RET: variants seen among roughly 807,000 people sequenced by gnomAD.
RET encodes ret proto-oncogene.
In RET, 19 loss-of-function variants were observed where a neutral mutation model predicts 118.3. That is an observed-to-expected ratio of 0.16 (90% CI 0.11 to 0.24). RET has a LOEUF of 0.24. Among genes scored for constraint, RET ranks in the 10% least tolerant of loss-of-function variants. The pLI, the probability that RET is intolerant of heterozygous loss-of-function variation, is 1.00. For synonymous variants in RET, 597 were observed against 644.1 expected, an observed-to-expected ratio of 0.93 and a Z score of 1.11; for missense variants, 1,219 against 1,502.1, an observed-to-expected ratio of 0.81 and a Z score of 3.12.
rs879461597 is a variant in RET, at chr10:43,129,402, G to A, written c.*1133G>A. 1 of 233,600 alleles carries A rather than the reference G, an allele frequency of 4.3e-6. No individual in the cohort carries two copies. The highest frequency in any genetic ancestry group is 8.5e-6 in the Non-Finnish European group (1 of 118,068). The allele number at this position is 233,600 out of a possible 1,614,324, so 14.5% of individuals were successfully genotyped here. ...ATAGAGCCTGTGTGAAAGGCCCATG[G>A]ATCAGCTCTTCCTGTGTTTGTAATT... On this transcript the variant is annotated 3_prime_UTR_variant, in exon 20 of 20. Coordinates refer to ENST00000355710, the MANE Select transcript of RET (RefSeq NM_020975.6).
At chr10:43,109,319 C>A in intron 6 of RET, 89 bp downstream of exon 6, 3 of 1,293,948 alleles carry the variant, frequency 2.3e-6, no homozygotes, top group Non-Finnish European at 3.3e-6. Flanking sequence ...GCCTCTTGGC[C>A]CAACCAGCAC....
chr10:43,113,702 A>C, intron 10 of RET, 27 bp downstream of exon 10: 6 of 1,611,546 alleles, frequency 3.7e-6, no homozygotes, highest in Non-Finnish European at 5.1e-6. Context: ...CGGGACCACC[A>C]CCACCTCCCA....
chr10:43,090,776 A>G (rs1837394149), intron 1 of RET, among the ~76,000 whole-genome samples: 1 of 150,826 alleles, frequency 6.6e-6, no homozygotes, highest in Non-Finnish European at 1.5e-5. Context: ...TCAGGAGCAG[A>G]GGTTCCTCCT....
intron 6 of RET, among the ~76,000 whole-genome samples, 167 bp from the exon 7 acceptor site, chr10:43,111,040 G>A (rs1206846119): frequency 1.3e-5 from 2 of 152,122 alleles, no homozygotes; most frequent in Non-Finnish European, 2.9e-5. Context: ...GCAGGTGGGT[G>A]GGTATGAAGG....
At chr10:43,126,279 C>A (rs536423945) in intron 18 of RET, among the ~76,000 whole-genome samples, 18 of 152,338 alleles carry the variant, frequency 1.2e-4, no homozygotes, top group African/African-American at 4.1e-4. Context: ...GCCCTCCAGG[C>A]CCTGGAGATA....
chr10:43,096,893 A>AC (rs1419575102), intron 1 of RET, among the ~76,000 whole-genome samples: 3 of 152,060 alleles, frequency 2.0e-5, no homozygotes, highest in Non-Finnish European at 4.4e-5. Flanking sequence ...TCATTCTCCC[A>AC]CCTTGGACCA....
rs867475099 is a variant in RET, at chr10:43,078,632, G to T, written c.73+1301G>T. 2.6e-5 allele frequency among the ~76,000 whole-genome samples: 4 copies of T among 152,368 alleles called. No homozygotes were observed. The Middle Eastern group carries it at 0.01, about 389-fold the overall frequency. ...ACGCTGTCTTGGGATTCTGGGCTGT[G>T]GCTTTGGCTTTGAGGTTGTGGGCAG... On this transcript the variant is annotated intron_variant, in intron 1 of 19. Coordinates refer to ENST00000355710, the MANE Select transcript of RET (RefSeq NM_020975.6).
At chr10:43,118,679 CA>C (rs1401510822) in intron 13 of RET, among the ~76,000 whole-genome samples, 199 bp downstream of exon 13, 1 of 152,254 alleles carries the variant, frequency 6.6e-6, no homozygotes, top group Admixed American at 6.5e-5. Flanking sequence ...CACTTTCCAT[CA>C]GAGGGGCCCC....
rs1349750276 is a variant in RET at position 43,129,725 on chromosome 10, T to C, written c.*1456T>C. 8 of 377,306 alleles carry C rather than the reference T, an allele frequency of 2.1e-5. No individual in the cohort carries two copies. The highest frequency in any genetic ancestry group is 3.3e-5 in the Non-Finnish European group (7 of 213,010). 23.4% of individuals were successfully genotyped at this position (377,306 alleles called of 1,614,324 possible). A position where few individuals can be genotyped will look rare whatever the true frequency, so the allele number is the denominator to read the frequency against. On this transcript the variant is annotated 3_prime_UTR_variant, in exon 20 of 20. Transcript: ENST00000355710. ...TAGGCATTTCACAAAAACAGCAAAA[T>C]TGTGGCATTTTGTGAGGCCAAGGCT...
At position 43,122,760 on chromosome 10, in the gene RET, A is replaced by T. The variant is rs72468184; in HGVS notation, c.2801+744A>T. ...GTAGCTGGGATTACAGGCACGTGCT[A>T]CTTCGCCTGGCTCATTTTTTTGTAT... On this transcript the variant is annotated intron_variant, in intron 16 of 19. Coordinates refer to ENST00000355710, the MANE Select transcript of RET (RefSeq NM_020975.6). 3.8e-3 allele frequency among the ~76,000 whole-genome samples: 575 copies of T among 152,138 alleles called. 10 individuals carry two copies. In the East Asian group the frequency reaches 0.048, roughly 13 times the overall value.
At chr10:43,095,174 T>C (rs1837496351) in intron 1 of RET, among the ~76,000 whole-genome samples, 1 of 152,104 alleles carries the variant, frequency 6.6e-6, no homozygotes, top group African/African-American at 2.4e-5. Flanking sequence ...GGAACTATCC[T>C]TAGGGCACGG....
At chr10:43,103,815 T>G (rs1481061214) in intron 3 of RET, among the ~76,000 whole-genome samples, 1 of 152,224 alleles carries the variant, frequency 6.6e-6, no homozygotes, top group Non-Finnish European at 1.5e-5. Flanking sequence ...CATTATATGA[T>G]AAGCATTTCC....
intron 1 of RET, among the ~76,000 whole-genome samples, chr10:43,086,231 C>T (rs1393469706): frequency 6.6e-6 from 1 of 152,212 alleles, no homozygotes; most frequent in Admixed American, 6.5e-5. Flanking sequence ...ATGGTCCCTA[C>T]CTCTGACAGT....
Position 43,112,881 on chromosome 10 carries a change from T to A in RET, c.1677T>A (p.Ser559=). The A allele has an allele frequency of 6.2e-7, 1 of 1,614,062 alleles. No homozygotes were observed. Among genetic ancestry groups the A allele is most frequent in the Non-Finnish European group, 8.5e-7 (1 of 1,179,986 alleles). The change falls in exon 9 of 20, where the codon TCT becomes TCA. Residue 559 remains serine, a synonymous_variant. Coordinates refer to ENST00000355710, the MANE Select transcript of RET (RefSeq NM_020975.6). ...TCACCAGGAACTTCTCCACCTGCTCTCCCAGCACCAAGACCTGCCCCGACG... is the reference window on the plus strand; with the variant it reads ...TCACCAGGAACTTCTCCACCTGCTCACCCAGCACCAAGACCTGCCCCGACG... ...KGITRNFSTC[S]PSTKTCPDGH...
At chr10:43,092,700 G>C (rs1185135542) in intron 1 of RET, among the ~76,000 whole-genome samples, 4 of 152,216 alleles carry the variant, frequency 2.6e-5, no homozygotes, top group Admixed American at 2.6e-4. Flanking sequence ...GGCAGCTCCG[G>C]TGCCCAGGGC....
chr10:43,083,423 C>T (rs1350244894), intron 1 of RET, among the ~76,000 whole-genome samples: 2 of 152,238 alleles, frequency 1.3e-5, no homozygotes, highest in Non-Finnish European at 2.9e-5. Context: ...TGTGGCATAG[C>T]CTGGCATGGC....
In RET at chr10:43,115,245, G is replaced by T. The variant is rs146344379; in HGVS notation, c.2136+509G>T. On this transcript the variant is annotated intron_variant, in intron 11 of 19. Transcript: ENST00000355710. ...TCAGAGCCAAGGGTGTGAGTGAACG[G>T]TGAGCCACGCAGCTTATGGTGGCGT... Among the ~76,000 whole-genome samples, 297 of 152,342 alleles carry T rather than the reference G, an allele frequency of 1.9e-3. No individual in the cohort carries two copies. Among genetic ancestry groups the T allele is most frequent in the Non-Finnish European group, 3.2e-3 (219 of 68,026 alleles).
chr10:43,090,793 G>A (rs1837394746), intron 1 of RET, among the ~76,000 whole-genome samples: 1 of 150,684 alleles, frequency 6.6e-6, no homozygotes, highest in Non-Finnish European at 1.5e-5. Flanking sequence ...TCCTCTGCAG[G>A]CTCCTGGCCC....
Position 43,112,973 on chromosome 10 carries a change from G to A in RET, c.1759+10G>A, listed in dbSNP as rs770586179. 2 of 1,607,242 alleles carry A rather than the reference G, an allele frequency of 1.2e-6. No homozygotes were observed. The highest frequency in any genetic ancestry group is 4.5e-5 in the East Asian group (2 of 44,834). ...CCTCAGGACTGCCTCCGTAAGCAGGGTTTAATCAGGGCATGGGAACAGGTA... is the reference window on the plus strand; with the variant it reads ...CCTCAGGACTGCCTCCGTAAGCAGGATTTAATCAGGGCATGGGAACAGGTA... On this transcript the variant is annotated intron_variant, in intron 9 of 19. Transcript: ENST00000355710.
Sources: allele counts gnomAD v4.1 joint callset (sites outside exome capture counted in the v4.1 genomes callset), GRCh38; gene constraint gnomAD v4.1.1; transcripts MANE v1.5; gene names NCBI Gene and HGNC (gene_info 2026-07-23, HGNC 2026-07-21).